The following ACSS1 variants were observed in gnomAD, a reference collection of about 807,000 sequenced individuals.
ACSS1 encodes acetyl-coenzyme A synthetase 2-like, mitochondrial.
ACSS1 carries 42 observed loss-of-function variants against 75.3 expected under a neutral mutation model. The observed-to-expected ratio is 0.56, with a 90% CI of 0.44 to 0.72. The LOEUF (loss-of-function observed/expected upper bound fraction) is 0.72, where lower values mean the gene tolerates loss of function less well. Among genes scored for constraint, ACSS1 ranks in the 30% least tolerant of loss-of-function variants. ACSS1 has a pLI of 0.00. For missense variants in ACSS1, 782 were observed against 935.7 expected, an observed-to-expected ratio of 0.84 and a Z score of 2.14; for synonymous variants, 380 against 376.8, an observed-to-expected ratio of 1.01 and a Z score of -0.10.
At chr20:25,034,631 C>T (rs570990712) in intron 2 of ACSS1, among the ~76,000 whole-genome samples, 6 of 152,078 alleles carry the variant, frequency 3.9e-5, no homozygotes, top group African/African-American at 9.6e-5. Flanking sequence ...TGCAATGGCA[C>T]GATCTCAGCT....
chr20:25,037,822 CTCCT>C (rs538514496), intron 2 of ACSS1, among the ~76,000 whole-genome samples: 1 of 152,326 alleles, frequency 6.6e-6, no homozygotes, highest in East Asian at 1.9e-4. Context: ...GGGGAACAGA[CTCCT>C]TCCCTCCTGG....
At chr20:25,045,335 T>G (rs77160533) in intron 2 of ACSS1, among the ~76,000 whole-genome samples, 17,889 of 152,144 alleles carry the variant, frequency 0.12, 1,119 homozygotes, top group South Asian at 0.17. Context: ...AAGCAGGGAT[T>G]GCAAATCCTC....
intron 2 of ACSS1, among the ~76,000 whole-genome samples, chr20:25,036,597 C>A (rs2088911825): frequency 6.6e-6 from 1 of 152,122 alleles, no homozygotes; most frequent in Non-Finnish European, 1.5e-5. Context: ...TCTTTTCCTC[C>A]TAGACATTTC....
At chr20:25,045,408 C>T (rs1023022018) in intron 2 of ACSS1, among the ~76,000 whole-genome samples, 5 of 152,184 alleles carry the variant, frequency 3.3e-5, no homozygotes, top group African/African-American at 9.7e-5. Flanking sequence ...GCTGACCCAG[C>T]GTCACCTGTG....
chr20:25,049,069 T>C (rs1489955771), intron 1 of ACSS1, among the ~76,000 whole-genome samples: 1 of 152,178 alleles, frequency 6.6e-6, no homozygotes, highest in African/African-American at 2.4e-5. Context: ...CTGTAGCCTG[T>C]TTGTAAATTA....
chr20:25,019,039 C>T (rs1046718068), intron 7 of ACSS1, among the ~76,000 whole-genome samples: 4 of 152,242 alleles, frequency 2.6e-5, no homozygotes, highest in Non-Finnish European at 5.9e-5. Flanking sequence ...CCCGCATGGC[C>T]TCATGGTCAC....
chr20:25,009,084 G>A (rs1256487056), intron 13 of ACSS1, among the ~76,000 whole-genome samples, 186 bp downstream of exon 13: 1 of 152,224 alleles, frequency 6.6e-6, no homozygotes. Flanking sequence ...AGCTGGCTGA[G>A]CTCACTTCTC....
intron 1 of ACSS1, among the ~76,000 whole-genome samples, chr20:25,052,365 G>A (rs756171740): frequency 2.6e-5 from 4 of 152,134 alleles, no homozygotes; most frequent in African/African-American, 9.7e-5. Flanking sequence ...TCCTATTTCC[G>A]GCCTTTCCCA....
At chr20:25,021,936 A>G (rs2088631860) in intron 5 of ACSS1, among the ~76,000 whole-genome samples, 1 of 152,212 alleles carries the variant, frequency 6.6e-6, no homozygotes, top group African/African-American at 2.4e-5. Context: ...TGCAGGAAAC[A>G]CAGAGGCAGA....
chr20:25,013,316 G>C (rs531133469), intron 10 of ACSS1, among the ~76,000 whole-genome samples: 151 of 152,318 alleles, frequency 9.9e-4, no homozygotes, highest in Non-Finnish European at 2.0e-3. Context: ...GTAGCCCCAA[G>C]AAAGTCCCCG....
At chr20:25,049,930 C>T (rs1244656028) in intron 1 of ACSS1, among the ~76,000 whole-genome samples, 1 of 151,958 alleles carries the variant, frequency 6.6e-6, no homozygotes, top group Non-Finnish European at 1.5e-5. Flanking sequence ...CGAGCTTTGC[C>T]GGTAGTGGGG....
intron 5 of ACSS1, among the ~76,000 whole-genome samples, chr20:25,022,327 C>G (rs2088637410): frequency 1.3e-5 from 2 of 152,180 alleles, no homozygotes; most frequent in South Asian, 4.1e-4. Flanking sequence ...CACCACTGCA[C>G]TCTAACCTGG....
In ACSS1 at chr20:25,057,996, C is replaced by A; in HGVS notation, c.107G>T (p.Arg36Met). The change falls in exon 1 of 14, where the codon AGG (arginine) becomes ATG (methionine). Residue 36 changes from arginine to methionine, a missense_variant. Arg to Met is a moderately conservative substitution (Grantham distance 91). This residue lies in a region of ACSS1 where 377 missense variants were observed against 383.1 expected (regional missense o/e 0.98). Coordinates refer to ENST00000323482, the MANE Select transcript of ACSS1 (RefSeq NM_032501.4). The part of the protein sequence containing the change: ...RPPCGVSAPR[R>M]AASGPSGSAP... ...GCTGCCCGAGGGTCCCGAGGCCGCCCTGCGCGGCGCGCTCACCCCGCACGG... is the reference window on the plus strand; with the variant it reads ...GCTGCCCGAGGGTCCCGAGGCCGCCATGCGCGGCGCGCTCACCCCGCACGG... The A allele has an allele frequency of 6.7e-7, 1 of 1,502,314 alleles. No individual in the cohort carries two copies. Among genetic ancestry groups the A allele is most frequent in the Non-Finnish European group, 8.9e-7 (1 of 1,126,718 alleles). The allele number at this position is 1,502,314 out of a possible 1,614,324, so 93.1% of individuals were successfully genotyped here. A position where few individuals can be genotyped will look rare whatever the true frequency, so the allele number is the denominator to read the frequency against.
chr20:25,025,766 A>C (rs1342491397), intron 3 of ACSS1, among the ~76,000 whole-genome samples: 1 of 152,160 alleles, frequency 6.6e-6, no homozygotes, highest in Non-Finnish European at 1.5e-5. Context: ...GGCCCTGTTT[A>C]TCTTCAAAGC....
chr20:25,010,768 A>T (rs2088393180), intron 12 of ACSS1: 1 of 152,348 alleles, frequency 6.6e-6, no homozygotes, highest in African/African-American at 2.4e-5. Flanking sequence ...GAAACCTTCC[A>T]CATGGGTGGA....
chr20:25,052,770 A>G (rs1323760175), intron 1 of ACSS1, among the ~76,000 whole-genome samples: 2 of 152,276 alleles, frequency 1.3e-5, no homozygotes, highest in Admixed American at 1.3e-4. Flanking sequence ...AGGGCCGGCC[A>G]GCCAGGGCGC....
rs369848992 is a variant in ACSS1, at chr20:25,046,535, CG to C, written c.431+1549del. On this transcript the variant is annotated intron_variant, in intron 2 of 13. Transcript: ENST00000323482. The stretch of plus-strand genomic sequence containing the variant: ...GACTGATGGAGAGAAACTGGCCCTT[CG>C]GGGAGTGCCATGGCTGGGCCCTCCC... 4.3e-4 allele frequency: 207 copies of C among 478,162 alleles called. 1 individual carries two copies. In the East Asian group the frequency reaches 7.0e-3, roughly 16 times the overall value. 29.6% of individuals were successfully genotyped at this position (478,162 alleles called of 1,614,324 possible).
chr20:25,028,200 C>A (rs1322597082), intron 3 of ACSS1, among the ~76,000 whole-genome samples: 1 of 152,114 alleles, frequency 6.6e-6, no homozygotes, highest in Non-Finnish European at 1.5e-5. Flanking sequence ...AATTTTTCTA[C>A]AGATTGAATG....
At position 25,007,627 on chromosome 20, in the gene ACSS1, G is replaced by C. The variant is rs1414572675; in HGVS notation, c.*135C>G. ...GGGCTCTCAGCCCAGCTTCACGTGAGGGCGGTGTGGGTCATGTGTGGGGTG... is the reference window on the plus strand; with the variant it reads ...GGGCTCTCAGCCCAGCTTCACGTGACGGCGGTGTGGGTCATGTGTGGGGTG... On this transcript the variant is annotated 3_prime_UTR_variant, in exon 14 of 14. Transcript: ENST00000323482. 1 of 1,508,068 alleles carries C rather than the reference G, an allele frequency of 6.6e-7. No homozygotes were observed. The highest frequency in any genetic ancestry group is 8.8e-7 in the Non-Finnish European group (1 of 1,136,712). 93.4% of individuals were successfully genotyped at this position (1,508,068 alleles called of 1,614,324 possible).
Sources: allele counts gnomAD v4.1 joint callset (sites outside exome capture counted in the v4.1 genomes callset), GRCh38; gene constraint gnomAD v4.1.1; regional missense constraint gnomAD v4.1.1; transcripts MANE v1.5; gene names NCBI Gene and HGNC (gene_info 2026-07-23, HGNC 2026-07-21).